DENND4C: variants seen among roughly 807,000 people sequenced by gnomAD.
DENND4C encodes the protein DENN domain containing 4C, also known as DENN domain-containing protein 4C.
Under a neutral mutation model 203.0 loss-of-function variants are expected in DENND4C, and 108 were observed. The ratio of observed to expected loss-of-function variants is 0.53; its 90% CI spans 0.46 to 0.62. The LOEUF is 0.62. Among genes scored for constraint, DENND4C ranks in the 20% least tolerant of loss-of-function variants. DENND4C has a pLI of 0.00. For synonymous variants in DENND4C, 871 were observed against 792.4 expected, an observed-to-expected ratio of 1.10 and a Z score of -1.67; for missense variants, 2,481 against 2,301.2, an observed-to-expected ratio of 1.08 and a Z score of -1.60.
intron 30 of DENND4C, among the ~76,000 whole-genome samples, chr9:19,364,471 C>T (rs937586789): frequency 8.5e-5 from 13 of 152,282 alleles, no homozygotes; most frequent in African/African-American, 1.2e-4. Flanking sequence ...AGGATACTTA[C>T]TGTAAGATTT....
intron 12 of DENND4C, 108 bp downstream of exon 12, chr9:19,316,947 C>A: frequency 9.9e-7 from 1 of 1,007,950 alleles, no homozygotes; most frequent in Non-Finnish European, 1.4e-6. Context: ...AATTCACATT[C>A]AAATATAATG....
Position 19,347,017 on chromosome 9 carries a change from A to G in DENND4C, c.4248A>G (p.Lys1416=), listed in dbSNP as rs753641120. The G allele has an allele frequency of 1.2e-6, 2 of 1,614,154 alleles. No homozygotes were observed. Among genetic ancestry groups the G allele is most frequent in the South Asian group, 1.1e-5 (1 of 91,084 alleles). Residue 1416 remains lysine, a synonymous_variant, in exon 23 of 33, where the codon AAA becomes AAG. Coordinates refer to ENST00000434457, the MANE Select transcript of DENND4C (RefSeq NM_001330640.2). The part of the protein sequence containing the change: ...PKIDVLKSGM[K]QAATVASKMW... ...TAGATGTCCTGAAATCTGGTATGAA[A>G]CAAGCAGCGACAGTAGCCAGTAAGA...
chr9:19,266,639 A>G lies in DENND4C; in HGVS notation c.-17-9519A>G, dbSNP rs940011161. On this transcript the variant is annotated intron_variant, in intron 1 of 32. Coordinates refer to ENST00000434457, the MANE Select transcript of DENND4C (RefSeq NM_001330640.2). ...GGTACCAAAACAGAGATATAGACCA[A>G]TGGAACAGAACAGAGCCCTCAGAAA... Among the ~76,000 whole-genome samples the G allele has an allele frequency of 3.3e-5, 5 of 152,302 alleles. No homozygotes were observed. The Middle Eastern group carries it at 0.014, about 414-fold the overall frequency.
At position 19,336,787 on chromosome 9, in the gene DENND4C, AG is replaced by A; in HGVS notation, c.2837del (p.Arg946LysfsTer3). The A allele has an allele frequency of 6.4e-7, 1 of 1,550,878 alleles. No individual in the cohort carries two copies. The highest frequency in any genetic ancestry group is 8.7e-7 in the Non-Finnish European group (1 of 1,147,024). On this transcript the variant is annotated frameshift_variant, in exon 20 of 33. Transcript: ENST00000434457. LOFTEE classifies it high-confidence loss of function. ...ANNGEHTVFVRDLIRLESIDN... is the reference protein window; with the variant it reads ...ANNGEHTVFVXDLIRLESIDN... ...CAATGGGGAGCACACAGTCTTCGTC[AG>A]AGATTTAATCAGGCTTGAGTCCATT...
chr9:19,244,219 T>C (rs1239355720), intron 1 of DENND4C, among the ~76,000 whole-genome samples: 1 of 152,034 alleles, frequency 6.6e-6, no homozygotes, highest in Non-Finnish European at 1.5e-5. Context: ...TGAGTAGAGA[T>C]GGGATTTTGC....
chr9:19,265,089 A>G lies in DENND4C; in HGVS notation c.-17-11069A>G, dbSNP rs547434701. 1.1e-4 allele frequency among the ~76,000 whole-genome samples: 17 copies of G among 152,234 alleles called. 1 individual carries two copies. In the South Asian group the frequency reaches 3.5e-3, roughly 32 times the overall value. ...GGAGTGCAGTGGCACAATTACAGCC[A>G]CTGCCACCTTGACCTCTTGGGCTCA... On this transcript the variant is annotated intron_variant, in intron 1 of 32. Coordinates refer to ENST00000434457, the MANE Select transcript of DENND4C (RefSeq NM_001330640.2).
At chr9:19,363,058 G>GAA (rs1409084226) in intron 30 of DENND4C, among the ~76,000 whole-genome samples, 2 of 152,200 alleles carry the variant, frequency 1.3e-5, no homozygotes, top group Non-Finnish European at 2.9e-5. Context: ...CTAAAATCTA[G>GAA]AAAGGGATCA....
intron 1 of DENND4C, among the ~76,000 whole-genome samples, chr9:19,236,167 C>G (rs1441376486): frequency 6.6e-6 from 1 of 151,754 alleles, no homozygotes; most frequent in Non-Finnish European, 1.5e-5. Context: ...TAAAGAGGCC[C>G]TTTTCTATCT....
intron 1 of DENND4C, among the ~76,000 whole-genome samples, chr9:19,241,712 T>A (rs995644641): frequency 2.6e-5 from 4 of 151,998 alleles, no homozygotes; most frequent in Non-Finnish European, 4.4e-5. Context: ...CCTGAGGCTG[T>A]TTTTAGGTAG....
At position 19,262,083 on chromosome 9, in the gene DENND4C, T is replaced by C. The variant is rs1829511280; in HGVS notation, c.-17-14075T>C. Among the ~76,000 whole-genome samples the C allele has an allele frequency of 2.7e-5, 3 of 111,962 alleles. No homozygotes were observed. The South Asian group carries it at 8.3e-4, about 31-fold the overall frequency. The allele number at this position is 111,962 out of a possible 152,430, so 73.5% of individuals were successfully genotyped here. A position where few individuals can be genotyped will look rare whatever the true frequency, so the allele number is the denominator to read the frequency against. On this transcript the variant is annotated intron_variant, in intron 1 of 32. Transcript: ENST00000434457. ...TTAGTGAATTTATTAGTTCTTTTTT[T>C]TTTTTTTTTTTTTTTTTTTTTTGAG...
chr9:19,316,955 A>G, intron 12 of DENND4C, 116 bp downstream of exon 12: 1 of 924,232 alleles, frequency 1.1e-6, no homozygotes, highest in Non-Finnish European at 1.5e-6. Flanking sequence ...TTCAAATATA[A>G]TGAACCTCCA....
At chr9:19,305,093 C>T (rs1588882449) in intron 9 of DENND4C, among the ~76,000 whole-genome samples, 1 of 151,862 alleles carries the variant, frequency 6.6e-6, no homozygotes. Context: ...TGTATAGATA[C>T]TAGAAGAATT....
intron 5 of DENND4C, 89 bp from the exon 6 acceptor site, chr9:19,295,919 G>A (rs1054521649): frequency 5.0e-5 from 52 of 1,030,170 alleles, no homozygotes; most frequent in Admixed American, 2.9e-4. Context: ...TGTACTCCAA[G>A]CAAATATTTC....
chr9:19,294,616 C>T lies in DENND4C; in HGVS notation c.802-1392C>T, dbSNP rs1045201148. ...TTGTAGCAGGGTTATTCACGATAGGCGGAAGGTGGAAACAACCCAAACGTG... is the reference window on the plus strand; with the variant it reads ...TTGTAGCAGGGTTATTCACGATAGGTGGAAGGTGGAAACAACCCAAACGTG... On this transcript the variant is annotated intron_variant, in intron 5 of 32. Transcript: ENST00000434457. Among the ~76,000 whole-genome samples the T allele has an allele frequency of 3.3e-5, 5 of 151,926 alleles. No individual in the cohort carries two copies. In the East Asian group the frequency reaches 5.8e-4, roughly 18 times the overall value.
intron 12 of DENND4C, among the ~76,000 whole-genome samples, chr9:19,318,292 C>G (rs906699712): frequency 4.6e-5 from 7 of 151,836 alleles, no homozygotes; most frequent in Admixed American, 6.6e-5. Context: ...GCACTCCAGC[C>G]TGGGCGACAA....
intron 2 of DENND4C, chr9:19,276,721 A>T (rs563792119): frequency 2.3e-5 from 7 of 298,192 alleles, no homozygotes; most frequent in African/African-American, 1.5e-4. Context: ...TATTGAAATG[A>T]AGACATTTGA....
At chr9:19,314,492 A>G (rs1411670164) in intron 10 of DENND4C, among the ~76,000 whole-genome samples, 1 of 152,080 alleles carries the variant, frequency 6.6e-6, no homozygotes, top group African/African-American at 2.4e-5. Context: ...GGGTGCACCT[A>G]AATCTCAGAA....
At chr9:19,244,388 A>G (rs1445949042) in intron 1 of DENND4C, among the ~76,000 whole-genome samples, 1 of 151,866 alleles carries the variant, frequency 6.6e-6, no homozygotes, top group Non-Finnish European at 1.5e-5. Flanking sequence ...ACTTGAGTAT[A>G]TTTTAGTATT....
intron 9 of DENND4C, among the ~76,000 whole-genome samples, chr9:19,301,868 T>C (rs56117313): frequency 0.079 from 11,954 of 151,868 alleles, 1,518 homozygotes; most frequent in African/African-American, 0.27. Context: ...ACCCAGGAGG[T>C]GAAGGTTGCT....
Sources: allele counts gnomAD v4.1 joint callset (sites outside exome capture counted in the v4.1 genomes callset), GRCh38; gene constraint gnomAD v4.1.1; transcripts MANE v1.5; gene names NCBI Gene and HGNC (gene_info 2026-07-23, HGNC 2026-07-21).